The following SLC35F4 variants were observed in gnomAD, a reference collection of about 807,000 sequenced individuals.
SLC35F4 encodes the protein solute carrier family 35 member F4, also known as chromosome 14 open reading frame 36.
SLC35F4 carries 24 observed loss-of-function variants against 44.2 expected under a neutral mutation model. That is an observed-to-expected ratio of 0.54 (90% confidence interval 0.39 to 0.76). The LOEUF (loss-of-function observed/expected upper bound fraction) is 0.76. Ranked by LOEUF, SLC35F4 falls within the 30% of genes least tolerant of loss-of-function variation. The pLI is 0.00. For missense variants in SLC35F4, 562 were observed against 586.1 expected (o/e 0.96, Z 0.42); for synonymous variants, 238 against 223.6 (o/e 1.06, Z -0.57).
At chr14:57,661,077 C>G (rs904346933) in intron 1 of SLC35F4, among the ~76,000 whole-genome samples, 2 of 152,174 alleles carry the variant, frequency 1.3e-5, no homozygotes, top group Admixed American at 6.5e-5. Context: ...ATTAGGCAGA[C>G]CAATCCTGTG....
chr14:57,606,837 T>C (rs1251675201), intron 1 of SLC35F4, among the ~76,000 whole-genome samples: 1 of 152,228 alleles, frequency 6.6e-6, no homozygotes, highest in Non-Finnish European at 1.5e-5. Flanking sequence ...AGTCTCATAA[T>C]CCATTATAGT....
intron 1 of SLC35F4, among the ~76,000 whole-genome samples, chr14:57,800,807 C>G (rs2140852732): frequency 6.6e-6 from 1 of 151,698 alleles, no homozygotes; most frequent in African/African-American, 2.4e-5. Flanking sequence ...GACAGGCAGA[C>G]AAGAATAGAG....
intron 1 of SLC35F4, among the ~76,000 whole-genome samples, chr14:57,665,148 C>T (rs1020697891): frequency 6.6e-5 from 10 of 151,780 alleles, no homozygotes; most frequent in Admixed American, 5.9e-4. Context: ...CCACCCCGCA[C>T]ACACACACCT....
intron 1 of SLC35F4, among the ~76,000 whole-genome samples, chr14:57,672,423 A>C (rs1473721388): frequency 1.3e-5 from 2 of 152,114 alleles, no homozygotes; most frequent in Non-Finnish European, 2.9e-5. Flanking sequence ...TATCTAATCC[A>C]AACTTTGTGC....
chr14:57,876,388 A>C (rs79434641), intron 1 of SLC35F4, among the ~76,000 whole-genome samples: 2,602 of 152,274 alleles, frequency 0.017, 80 homozygotes, highest in African/African-American at 0.055. Flanking sequence ...TAAATCTTTT[A>C]AATTCATATT....
At chr14:57,872,545 G>T (rs973501499) in intron 1 of SLC35F4, among the ~76,000 whole-genome samples, 2 of 152,142 alleles carry the variant, frequency 1.3e-5, no homozygotes, top group Non-Finnish European at 2.9e-5. Flanking sequence ...TCATGCCAAT[G>T]CTGGGCACCT....
At chr14:57,853,929 G>A (rs540239236) in intron 1 of SLC35F4, among the ~76,000 whole-genome samples, 1 of 152,260 alleles carries the variant, frequency 6.6e-6, no homozygotes, top group East Asian at 1.9e-4. Flanking sequence ...GTGGAGTCTT[G>A]TGACTAGAAA....
chr14:57,955,206 A>G (rs1375376184), intron 1 of SLC35F4, among the ~76,000 whole-genome samples: 6 of 152,216 alleles, frequency 3.9e-5, no homozygotes, highest in Non-Finnish European at 7.3e-5. Flanking sequence ...TGATCATCTC[A>G]GTAGATGCAG....
At chr14:57,982,016 A>C (rs890986166) in exon 1 of SLC35F4, 1 of 152,182 alleles carries the variant, frequency 6.6e-6, no homozygotes, top group Non-Finnish European at 1.5e-5. Context: ...CCTGTCAATC[A>C]TTCTGAGTCC....
intron 1 of SLC35F4, among the ~76,000 whole-genome samples, chr14:57,943,454 T>C (rs1487510510): frequency 6.6e-6 from 1 of 152,230 alleles, no homozygotes; most frequent in Non-Finnish European, 1.5e-5. Flanking sequence ...AAACTTTATA[T>C]CATTTGTTGT....
intron 1 of SLC35F4, among the ~76,000 whole-genome samples, chr14:57,953,696 G>A (rs1266599994): frequency 2.6e-5 from 4 of 152,174 alleles, no homozygotes; most frequent in African/African-American, 9.6e-5. Flanking sequence ...TTACATAATT[G>A]TAAAGGTATC....
rs1249044547 is a variant in SLC35F4 at position 57,752,437 on chromosome 14, G to A, written c.103+113286C>T. ...TGCTAGGACACTTGATGTGGAGATG[G>A]AAAGCCCTGAGGTTTTTTTTTTTCT... On this transcript the variant is annotated intron_variant, in intron 1 of 7. Coordinates refer to ENST00000556826, the MANE Select transcript of SLC35F4 (RefSeq NM_001306087.2). Among the ~76,000 whole-genome samples the A allele has an allele frequency of 2.0e-5, 3 of 151,816 alleles. No individual in the cohort carries two copies. The East Asian group carries it at 5.8e-4, about 29-fold the overall frequency.
At chr14:57,722,989 G>A (rs1484744176) in intron 1 of SLC35F4, among the ~76,000 whole-genome samples, 1 of 152,098 alleles carries the variant, frequency 6.6e-6, no homozygotes, top group Non-Finnish European at 1.5e-5. Flanking sequence ...CTTTCCCAAG[G>A]AGACCTCCAA....
At position 57,900,018 on chromosome 14, in the gene SLC35F4, A is replaced by G. The variant is rs116224596; in HGVS notation, n.282+81895T>C. ...CCCTCCCATGTTCCATTTTTGTCCG[A>G]TTAGAGTGCCCTTTTTCCCAAGCCT... On this transcript the variant is annotated intron_variant and non_coding_transcript_variant, in intron 1 of 1. Transcript: ENST00000556568. Among the ~76,000 whole-genome samples the G allele has an allele frequency of 1.0e-2, 1,519 of 152,098 alleles. 25 individuals carry two copies. Among genetic ancestry groups the G allele is most frequent in the African/African-American group, 0.035 (1,458 of 41,486 alleles).
chr14:57,814,894 G>A (rs1030061820), intron 1 of SLC35F4, among the ~76,000 whole-genome samples: 3 of 152,074 alleles, frequency 2.0e-5, no homozygotes, highest in Admixed American at 6.6e-5. Flanking sequence ...AAAAATAAAC[G>A]TCATTTAGGA....
chr14:57,956,861 A>G (rs1890247387), intron 1 of SLC35F4, among the ~76,000 whole-genome samples: 1 of 152,214 alleles, frequency 6.6e-6, no homozygotes, highest in East Asian at 1.9e-4. Flanking sequence ...AATTAGTTCA[A>G]CCATTGCGGA....
intron 2 of SLC35F4, among the ~76,000 whole-genome samples, chr14:57,591,636 A>G (rs2070186741): frequency 6.6e-6 from 1 of 152,220 alleles, no homozygotes; most frequent in African/African-American, 2.4e-5. Flanking sequence ...TCCAGGGTCT[A>G]AACTTTATTC....
chr14:57,910,130 A>ATTT (rs958043005), intron 1 of SLC35F4, among the ~76,000 whole-genome samples: 1 of 151,482 alleles, frequency 6.6e-6, no homozygotes, highest in Non-Finnish European at 1.5e-5. Flanking sequence ...TCTTTTGCCT[A>ATTT]TTTTTTTTAT....
intron 1 of SLC35F4, among the ~76,000 whole-genome samples, chr14:57,706,606 C>A (rs1215379088): frequency 6.6e-6 from 1 of 152,088 alleles, no homozygotes; most frequent in Non-Finnish European, 1.5e-5. Flanking sequence ...CCTGGGTAGT[C>A]AAAGAAGGCT....
Sources: allele counts gnomAD v4.1 joint callset (sites outside exome capture counted in the v4.1 genomes callset), GRCh38; gene constraint gnomAD v4.1.1; transcripts MANE v1.5; gene names NCBI Gene and HGNC (gene_info 2026-07-23, HGNC 2026-07-21).